The following BPI variants were observed in gnomAD, a reference collection of about 807,000 sequenced individuals.
BPI encodes the protein bactericidal permeability increasing protein, also known as bactericidal permeability-increasing protein.
In BPI, 48 loss-of-function variants were observed where a neutral mutation model predicts 57.6. That is an observed-to-expected ratio of 0.83 (90% CI 0.66 to 1.06). The LOEUF (loss-of-function observed/expected upper bound fraction) is 1.06. Ranked by LOEUF, BPI falls within the 50% of genes least tolerant of loss-of-function variation. The pLI, the probability that BPI is intolerant of heterozygous loss-of-function variation, is 0.00. For synonymous variants in BPI, 237 were observed against 238.2 expected, an observed-to-expected ratio of 0.99 and a Z score of 0.05; for missense variants, 651 against 609.7, an observed-to-expected ratio of 1.07 and a Z score of -0.71.
At chr20:38,307,467 C>T (rs992711050) in intron 1 of BPI, 100 bp from the exon 2 acceptor site, 1 of 805,810 alleles carries the variant, frequency 1.2e-6, no homozygotes, top group Non-Finnish European at 1.9e-6. Context: ...TGCCACTGTC[C>T]ATGCTACGAA....
chr20:38,310,664 C>A lies in BPI; in HGVS notation c.536+12C>A. 1 of 1,601,732 alleles carries A rather than the reference C, an allele frequency of 6.2e-7. No individual in the cohort carries two copies. On this transcript the variant is annotated intron_variant, in intron 4 of 14. Coordinates refer to ENST00000642449, the MANE Select transcript of BPI (RefSeq NM_001725.3). ...AAGAGCAAAGTGGGGTATGGACTCC[C>A]GGGACTGTGGCTGGGAGGAGGGACT...
intron 7 of BPI, among the ~76,000 whole-genome samples, chr20:38,323,284 A>C (rs927940813): frequency 2.6e-5 from 4 of 152,176 alleles, no homozygotes; most frequent in African/African-American, 9.7e-5. Flanking sequence ...TTTATTTGCT[A>C]AATAAATGAT....
chr20:38,322,050 A>G (rs1157369400), intron 7 of BPI, among the ~76,000 whole-genome samples: 2 of 152,226 alleles, frequency 1.3e-5, no homozygotes, highest in Non-Finnish European at 2.9e-5. Context: ...TAAAAACTCA[A>G]CACGTATCAT....
chr20:38,318,106 AAAC>A, intron 5 of BPI: 5 of 933,414 alleles, frequency 5.4e-6, no homozygotes, highest in Non-Finnish European at 6.4e-6. Context: ...AGAAAAAACA[AAAC>A]AACAACAGCA....
chr20:38,334,161 C>T lies in BPI; in HGVS notation c.1273-269C>T, dbSNP rs546706271. 2.6e-5 allele frequency among the ~76,000 whole-genome samples: 4 copies of T among 152,320 alleles called. No homozygotes were observed. The East Asian group carries it at 5.8e-4, about 22-fold the overall frequency. ...CTCTGATGAGCTTCCTCATGATTGTCGTGAGTTGTAAGGCCTTGCACCTTA... is the reference window on the plus strand; with the variant it reads ...CTCTGATGAGCTTCCTCATGATTGTTGTGAGTTGTAAGGCCTTGCACCTTA... On this transcript the variant is annotated intron_variant, in intron 12 of 14. Transcript: ENST00000642449.
In BPI at chr20:38,337,169, C is replaced by G; in HGVS notation, c.1437C>G (p.Asp479Glu). Reference sequence around the variant, plus strand: ...AGAACTTCCTGCTGTTCGGTGCAGACGTTGTCTATAAATGAAGGCACCAGG... The same window carrying G: ...AGAACTTCCTGCTGTTCGGTGCAGAGGTTGTCTATAAATGAAGGCACCAGG... The part of the protein sequence containing the change: ...PHQNFLLFGA[D>E]VVYK Residue 479 changes from aspartate to glutamate, a missense_variant, in exon 15 of 15, where the codon GAC becomes GAG. By Grantham distance (45) the Asp-to-Glu change is conservative. Transcript: ENST00000642449. 6.3e-7 allele frequency: 1 copy of G among 1,593,132 alleles called. No individual in the cohort carries two copies. Among genetic ancestry groups the G allele is most frequent in the Non-Finnish European group, 8.5e-7 (1 of 1,171,536 alleles).
At chr20:38,324,453 C>G (rs1175867675) in intron 8 of BPI, among the ~76,000 whole-genome samples, 1 of 152,174 alleles carries the variant, frequency 6.6e-6, no homozygotes, top group Admixed American at 6.5e-5. Context: ...GTCCTAGCAC[C>G]ATGCTAAGGC....
intron 12 of BPI, among the ~76,000 whole-genome samples, chr20:38,333,204 G>C (rs1389955374): frequency 1.3e-5 from 2 of 152,126 alleles, no homozygotes; most frequent in East Asian, 3.9e-4. Context: ...GGCTTTCTTG[G>C]TGGCTTGACT....
At chr20:38,311,978 G>A (rs781271123) in intron 5 of BPI, 41 bp downstream of exon 5, 1 of 1,593,932 alleles carries the variant, frequency 6.3e-7, no homozygotes, top group East Asian at 2.2e-5. Flanking sequence ...CAGAGGAGAA[G>A]GGCCCTTAGT....
At chr20:38,305,300 C>G (rs1049603703) in intron 1 of BPI, among the ~76,000 whole-genome samples, 1 of 152,160 alleles carries the variant, frequency 6.6e-6, no homozygotes, top group African/African-American at 2.4e-5. Flanking sequence ...GGCCCTGAAG[C>G]CTGTCGACAC....
chr20:38,329,005 C>CTAAA lies in BPI; in HGVS notation c.1229+1375_1229+1378dup, dbSNP rs1555840412. Among the ~76,000 whole-genome samples, 1,016 of 134,928 alleles carry CTAAA rather than the reference C, an allele frequency of 7.5e-3. 3 individuals are homozygous for CTAAA. Among genetic ancestry groups the CTAAA allele is most frequent in the African/African-American group, 0.016 (550 of 35,338 alleles). The allele number at this position is 134,928 out of a possible 152,430, so 88.5% of individuals were successfully genotyped here. ...TGGGCAACAGAGCAAGACCCTGTCT[C>CTAAA]TAAATAAATAAATAAATAAATAAAT... On this transcript the variant is annotated intron_variant, in intron 11 of 14. Transcript: ENST00000642449.
At chr20:38,323,093 C>T (rs1257022347) in intron 7 of BPI, among the ~76,000 whole-genome samples, 2 of 152,156 alleles carry the variant, frequency 1.3e-5, no homozygotes, top group African/African-American at 4.8e-5. Context: ...ATTTAAAAAA[C>T]TGTAGAAATA....
At position 38,326,290 on chromosome 20, in the gene BPI, A is replaced by G; in HGVS notation, c.1019A>G (p.Lys340Arg). 1 of 1,613,420 alleles carries G rather than the reference A, an allele frequency of 6.2e-7. No individual in the cohort carries two copies. Among genetic ancestry groups the G allele is most frequent in the Non-Finnish European group, 8.5e-7 (1 of 1,179,688 alleles). ...GTGGCCAAGAAGTTTCCCAACATGA[A>G]GATACAGATCCATGTCTCAGCCTCC... is the stretch of plus-strand genomic sequence containing the variant. ...PEVAKKFPNM[K>R]IQIHVSASTP... The change falls in exon 10 of 15, where the codon AAG becomes AGG. Residue 340 changes from lysine to arginine, a missense_variant. Physicochemically the swap from Lys to Arg is conservative, Grantham distance 26 (BLOSUM62 2). Transcript: ENST00000642449.
At chr20:38,322,108 G>T (rs565994025) in intron 7 of BPI, among the ~76,000 whole-genome samples, 48 of 152,278 alleles carry the variant, frequency 3.2e-4, no homozygotes, top group Non-Finnish European at 6.2e-4. Context: ...GCCCTTTACT[G>T]GCTGCTTGGA....
intron 1 of BPI, among the ~76,000 whole-genome samples, chr20:38,305,252 A>G (rs1348455189): frequency 6.6e-6 from 1 of 152,208 alleles, no homozygotes; most frequent in Admixed American, 6.5e-5. Flanking sequence ...TGCAGACAGA[A>G]GGCCACAGAA....
intron 11 of BPI, among the ~76,000 whole-genome samples, chr20:38,328,327 T>C (rs568445628): frequency 9.3e-5 from 14 of 150,982 alleles, no homozygotes; most frequent in African/African-American, 3.4e-4. Flanking sequence ...CTGAGGCAGG[T>C]GGATCAACTG....
intron 7 of BPI, among the ~76,000 whole-genome samples, chr20:38,322,667 A>G (rs1468478673): frequency 6.6e-6 from 1 of 152,172 alleles, no homozygotes; most frequent in African/African-American, 2.4e-5. Flanking sequence ...CTGGAGTGCA[A>G]TGGCGCGACC....
intron 12 of BPI, among the ~76,000 whole-genome samples, chr20:38,332,180 C>T (rs1389875398): frequency 6.6e-6 from 1 of 152,152 alleles, no homozygotes; most frequent in Non-Finnish European, 1.5e-5. Flanking sequence ...CCGGGCTGAG[C>T]TAGAGGAGGG....
intron 12 of BPI, among the ~76,000 whole-genome samples, chr20:38,331,687 A>G (rs971055182): frequency 1.3e-5 from 2 of 152,084 alleles, no homozygotes; most frequent in East Asian, 3.9e-4. Context: ...CTTATAAAAA[A>G]TAAAAATTAG....
Sources: gnomAD v4.1 joint callset for allele counts (sites outside exome capture counted in the v4.1 genomes callset) on GRCh38, gnomAD v4.1.1 for gene constraint, MANE v1.5 for transcripts, NCBI Gene and HGNC (gene_info 2026-07-23, HGNC 2026-07-21) for gene names.